Variants in ATP2C2 observed in about 807,000 individuals in gnomAD.
ATP2C2 encodes the protein ATPase secretory pathway Ca2+ transporting 2, also known as calcium-transporting ATPase type 2C member 2.
A neutral mutation model predicts 110.8 loss-of-function variants in ATP2C2; 171 were observed. The observed-to-expected ratio is 1.54, with a 90% CI of 1.36 to 1.75. The LOEUF (loss-of-function observed/expected upper bound fraction) is 1.75. Among genes scored for constraint, ATP2C2 ranks in the 40% most tolerant of loss-of-function variants. The pLI, the probability that ATP2C2 is intolerant of heterozygous loss-of-function variation, is 0.00. For missense variants in ATP2C2, 1,963 were observed against 1,235.0 expected, an observed-to-expected ratio of 1.59 and a Z score of -8.84; for synonymous variants, 804 against 508.4, an observed-to-expected ratio of 1.58 and a Z score of -7.82.
chr16:84,387,094 C>G (rs1904355428), intron 1 of ATP2C2, among the ~76,000 whole-genome samples: 1 of 151,938 alleles, frequency 6.6e-6, no homozygotes, highest in Non-Finnish European at 1.5e-5. Context: ...ACGACTATCA[C>G]TGAACAAGCA....
At chr16:84,380,366 C>G (rs549085941) in intron 1 of ATP2C2, among the ~76,000 whole-genome samples, 61 of 152,186 alleles carry the variant, frequency 4.0e-4, no homozygotes, top group African/African-American at 1.3e-3. Context: ...TCTTCTTTCC[C>G]TTTTTCCTTC....
At position 84,447,669 on chromosome 16, in the gene ATP2C2, CAT is replaced by C. The variant is rs560113928; in HGVS notation, c.1504-859_1504-858del. On this transcript the variant is annotated intron_variant, in intron 16 of 26. Transcript: ENST00000262429. ...ATTATATAATATGTAATATATATTA[CAT>C]ATATTACATATATTATTTAATATAT... Among the ~76,000 whole-genome samples, 136 of 142,696 alleles carry C rather than the reference CAT, an allele frequency of 9.5e-4. 1 individual carries two copies. The highest frequency in any genetic ancestry group is 3.5e-3 in the African/African-American group (134 of 38,118). 93.6% of individuals were successfully genotyped at this position (142,696 alleles called of 152,430 possible). A position where few individuals can be genotyped will look rare whatever the true frequency, so the allele number is the denominator to read the frequency against.
chr16:84,411,017 G>A, intron 6 of ATP2C2: 1 of 543,896 alleles, frequency 1.8e-6, no homozygotes. Flanking sequence ...GAGGACCACA[G>A]GTAGCAGGAG....
At chr16:84,442,471 C>T (rs763682888) in intron 14 of ATP2C2, 39 bp from the exon 15 acceptor site, 3 of 1,599,884 alleles carry the variant, frequency 1.9e-6, no homozygotes, top group East Asian at 2.2e-5. Flanking sequence ...TTTCATGAGC[C>T]CAGTACTAAC....
chr16:84,426,628 C>G (rs369556174), intron 11 of ATP2C2, among the ~76,000 whole-genome samples: 3 of 152,146 alleles, frequency 2.0e-5, no homozygotes, highest in Admixed American at 6.6e-5. Flanking sequence ...TATACCCTCT[C>G]CTAGGGCGAC....
intron 20 of ATP2C2, 45 bp from the exon 21 acceptor site, chr16:84,454,773 G>A: frequency 6.5e-7 from 1 of 1,526,784 alleles, no homozygotes; most frequent in Non-Finnish European, 8.8e-7. Context: ...GGCACTGGGA[G>A]GTGGTCGTCA....
At chr16:84,446,134 G>A (rs1909725817) in intron 15 of ATP2C2, among the ~76,000 whole-genome samples, 195 bp from the exon 16 acceptor site, 1 of 150,012 alleles carries the variant, frequency 6.7e-6, no homozygotes, top group African/African-American at 2.5e-5. Flanking sequence ...CTGCCCTTCA[G>A]CCAAGAGAAG....
rs377542075 is a variant in ATP2C2 at position 84,428,518 on chromosome 16, T to C, written c.986+2717T>C. 1.6e-4 allele frequency among the ~76,000 whole-genome samples: 24 copies of C among 152,110 alleles called. No homozygotes were observed. The East Asian group carries it at 3.1e-3, about 20-fold the overall frequency. On this transcript the variant is annotated intron_variant, in intron 11 of 26. Coordinates refer to ENST00000262429, the MANE Select transcript of ATP2C2 (RefSeq NM_014861.4). Reference sequence around the variant, plus strand: ...CACTCAGTGTATTTAACAAACAAAATCTTAGTAACACCAAATGCTGAGAGC... The same window carrying C: ...CACTCAGTGTATTTAACAAACAAAACCTTAGTAACACCAAATGCTGAGAGC...
chr16:84,451,752 G>A (rs375365451), intron 17 of ATP2C2, among the ~76,000 whole-genome samples, 169 bp from the exon 18 acceptor site: 12 of 152,072 alleles, frequency 7.9e-5, no homozygotes, highest in African/African-American at 2.2e-4. Flanking sequence ...GCAGGAGAAC[G>A]GTTTGAACCC....
intron 23 of ATP2C2, 112 bp downstream of exon 23, chr16:84,459,498 T>G (rs746162693): frequency 6.3e-7 from 1 of 1,582,890 alleles, no homozygotes; most frequent in Non-Finnish European, 8.6e-7. Flanking sequence ...ACAGCCACTT[T>G]CCATCAGGAG....
rs147201603 is a variant in ATP2C2 at position 84,401,080 on chromosome 16, C to G, written c.210+2471C>G. Among the ~76,000 whole-genome samples, 1,090 of 152,194 alleles carry G rather than the reference C, an allele frequency of 7.2e-3. 9 individuals are homozygous for G. Among genetic ancestry groups the G allele is most frequent in the African/African-American group, 0.025 (1,046 of 41,532 alleles). ...AGAAGCCTTTTAACTTGATGTGATT[C>G]CATTTATCCATTTTTGCTTTGGTTG... On this transcript the variant is annotated intron_variant, in intron 2 of 26. Coordinates refer to ENST00000262429, the MANE Select transcript of ATP2C2 (RefSeq NM_014861.4).
chr16:84,455,070 A>AGTGG, intron 21 of ATP2C2, 86 bp downstream of exon 21: 1 of 1,198,578 alleles, frequency 8.3e-7, no homozygotes, highest in Non-Finnish European at 1.2e-6. Flanking sequence ...GTGGAGATAG[A>AGTGG]GGGGGGGGTC....
chr16:84,444,181 A>C (rs1389405658), intron 15 of ATP2C2, among the ~76,000 whole-genome samples: 3 of 148,646 alleles, frequency 2.0e-5, no homozygotes, highest in South Asian at 2.1e-4. Context: ...AAAAAAAAAA[A>C]AAACAAAAAG....
chr16:84,379,910 G>C (rs1027799884), intron 1 of ATP2C2, among the ~76,000 whole-genome samples: 3 of 152,214 alleles, frequency 2.0e-5, no homozygotes, highest in Non-Finnish European at 4.4e-5. Flanking sequence ...TATGGCCTGG[G>C]TGTGGGGGAT....
At position 84,410,629 on chromosome 16, in the gene ATP2C2, A is replaced by T. The variant is rs202156664; in HGVS notation, c.453+26A>T. ...GTGAGTATTTCCTGAGGTCCCAGTCAGGGTAAGCTGGGCGGGACAGGAGCT... is the reference window on the plus strand; with the variant it reads ...GTGAGTATTTCCTGAGGTCCCAGTCTGGGTAAGCTGGGCGGGACAGGAGCT... On this transcript the variant is annotated intron_variant, in intron 5 of 26. Transcript: ENST00000262429. The T allele has an allele frequency of 3.1e-5, 50 of 1,613,984 alleles. No individual in the cohort carries two copies. The East Asian group carries it at 1.1e-3, about 36-fold the overall frequency.
intron 11 of ATP2C2, 200 bp from the exon 12 acceptor site, chr16:84,438,966 G>T: frequency 1.7e-6 from 1 of 604,092 alleles, no homozygotes; most frequent in Non-Finnish European, 2.8e-6. Context: ...TCCCAAGAGC[G>T]GGGTCTGCAG....
At position 84,397,655 on chromosome 16, in the gene ATP2C2, C is replaced by CAAAAAA. The variant is rs58934576; in HGVS notation, c.100-831_100-826dup. On this transcript the variant is annotated intron_variant, in intron 1 of 26. Transcript: ENST00000262429. ...CACCACTGCACTCCAGCCTGGGTGA[C>CAAAAAA]AAAAAAAAAAAAAAAAAACTTGCTT... Among the ~76,000 whole-genome samples the CAAAAAA allele has an allele frequency of 8.3e-4, 53 of 63,488 alleles. 5 individuals carry two copies. Among genetic ancestry groups the CAAAAAA allele is most frequent in the East Asian group, 6.4e-3 (13 of 2,038 alleles). 41.7% of individuals were successfully genotyped at this position (63,488 alleles called of 152,430 possible). A position where few individuals can be genotyped will look rare whatever the true frequency, so the allele number is the denominator to read the frequency against.
chr16:84,441,560 C>T (rs1567727453), intron 14 of ATP2C2, among the ~76,000 whole-genome samples: 1 of 152,230 alleles, frequency 6.6e-6, no homozygotes, highest in African/African-American at 2.4e-5. Flanking sequence ...GCGCCACTTG[C>T]AAAGGACCTG....
intron 3 of ATP2C2, among the ~76,000 whole-genome samples, chr16:84,405,447 G>A (rs548337651): frequency 5.9e-5 from 9 of 152,180 alleles, no homozygotes; most frequent in African/African-American, 1.2e-4. Flanking sequence ...GATCACTTTC[G>A]TAGACAGTTG....
Sources: allele counts gnomAD v4.1 joint callset (sites outside exome capture counted in the v4.1 genomes callset), GRCh38; gene constraint gnomAD v4.1.1; transcripts MANE v1.5; gene names NCBI Gene and HGNC (gene_info 2026-07-23, HGNC 2026-07-21).